The following DOCK1 variants were observed in gnomAD, a reference collection of about 807,000 sequenced individuals.
The protein encoded by DOCK1 is dedicator of cytokinesis 1, also known as dedicator of cytokinesis protein 1.
DOCK1 carries 138 observed loss-of-function variants against 262.7 expected under a neutral mutation model. The observed-to-expected ratio is 0.53, with a 90% confidence interval of 0.46 to 0.61. DOCK1 has a LOEUF of 0.61. DOCK1 is among the 20% of genes least tolerant of loss of function. The pLI is 0.00. For synonymous variants in DOCK1, 866 were observed against 867.4 expected (o/e 1.00, Z 0.03); for missense variants, 1,908 against 2,370.7 (o/e 0.80, Z 4.05).
intron 29 of DOCK1, among the ~76,000 whole-genome samples, chr10:127,313,072 G>A (rs947074890): frequency 7.9e-5 from 12 of 152,018 alleles, no homozygotes; most frequent in African/African-American, 2.2e-4. Flanking sequence ...GCCATTGCCC[G>A]TGCCATCCTC....
chr10:126,982,696 A>G (rs2039071129), intron 4 of DOCK1, among the ~76,000 whole-genome samples: 1 of 152,248 alleles, frequency 6.6e-6, no homozygotes, highest in South Asian at 2.1e-4. Context: ...AACATATGAA[A>G]AGAACCGTTC....
At chr10:127,094,502 C>T (rs566686272) in intron 23 of DOCK1, among the ~76,000 whole-genome samples, 19 of 152,236 alleles carry the variant, frequency 1.2e-4, no homozygotes, top group African/African-American at 4.1e-4. Flanking sequence ...TGGCCATCCT[C>T]GATGGCAGTG....
At chr10:127,003,037 C>T (rs1010871586) in intron 10 of DOCK1, among the ~76,000 whole-genome samples, 4 of 152,246 alleles carry the variant, frequency 2.6e-5, no homozygotes, top group Non-Finnish European at 5.9e-5. Flanking sequence ...CCTGCATGAA[C>T]CTGTGTGAAC....
intron 23 of DOCK1, among the ~76,000 whole-genome samples, chr10:127,068,800 T>TACAC (rs142740686): frequency 6.6e-6 from 1 of 151,632 alleles, no homozygotes; most frequent in African/African-American, 2.4e-5. Flanking sequence ...CTCATGTGTA[T>TACAC]ACACACACAC....
At chr10:127,149,951 A>G (rs919997032) in intron 27 of DOCK1, among the ~76,000 whole-genome samples, 2 of 152,168 alleles carry the variant, frequency 1.3e-5, no homozygotes, top group African/African-American at 4.8e-5. Flanking sequence ...CCAGGCTTTG[A>G]TCTGACAGCA....
At chr10:127,224,846 C>G (rs1761540) in intron 27 of DOCK1, among the ~76,000 whole-genome samples, 97,897 of 151,992 alleles carry the variant, frequency 0.64, 31,868 homozygotes, top group African/African-American at 0.73. Flanking sequence ...TAGGGAGAGG[C>G]AAAAAGGAGT....
chr10:127,348,897 A>C (rs972250027), intron 31 of DOCK1, among the ~76,000 whole-genome samples: 1 of 152,206 alleles, frequency 6.6e-6, no homozygotes, highest in Non-Finnish European at 1.5e-5. Flanking sequence ...ATAACAGGAG[A>C]TACGATCAAT....
chr10:127,146,714 G>A (rs2133381271), intron 27 of DOCK1, among the ~76,000 whole-genome samples: 1 of 152,272 alleles, frequency 6.6e-6, no homozygotes, highest in Non-Finnish European at 1.5e-5. Flanking sequence ...AACTTAATAT[G>A]CACAAGTGGT....
chr10:127,147,642 T>C (rs1039125713), intron 27 of DOCK1, among the ~76,000 whole-genome samples: 3 of 152,048 alleles, frequency 2.0e-5, no homozygotes, highest in Non-Finnish European at 2.9e-5. Flanking sequence ...AACTTGTCCT[T>C]AGGAGGTCCC....
At chr10:127,383,705 G>A (rs72841534) in intron 37 of DOCK1, among the ~76,000 whole-genome samples, 8,149 of 152,182 alleles carry the variant, frequency 0.054, 330 homozygotes, top group Middle Eastern at 0.092. Flanking sequence ...CCCGTTGCCC[G>A]GACCCCAGCT....
chr10:127,428,743 G>T (rs72843714), intron 47 of DOCK1, among the ~76,000 whole-genome samples: 10,586 of 146,936 alleles, frequency 0.072, 523 homozygotes, highest in Non-Finnish European at 0.1. Context: ...GTGGATTGGG[G>T]TGCTGTGTGG....
At chr10:127,391,003 G>A (rs955732338) in intron 38 of DOCK1, among the ~76,000 whole-genome samples, 5 of 152,176 alleles carry the variant, frequency 3.3e-5, no homozygotes, top group Admixed American at 2.6e-4. Context: ...GCCCACATGC[G>A]GCTGGGAAGC....
rs56689236 is a variant in DOCK1 at position 127,268,503 on chromosome 10, CAAAAAAA to C, written c.3044+11087_3044+11093del. The stretch of plus-strand genomic sequence containing the variant: ...TGGGTGACAGACCGAGACTCCACCT[CAAAAAAA>C]AAAAAAAAAAAAGAAGAGGAAAGAA... On this transcript the variant is annotated intron_variant, in intron 29 of 51. Coordinates refer to ENST00000623213, the MANE Select transcript of DOCK1 (RefSeq NM_001290223.2). 1.0e-4 allele frequency among the ~76,000 whole-genome samples: 7 copies of C among 70,152 alleles called. No individual in the cohort carries two copies. The East Asian group carries it at 1.1e-3, about 11-fold the overall frequency. The allele number at this position is 70,152 out of a possible 152,430, so 46.0% of individuals were successfully genotyped here. A position where few individuals can be genotyped will look rare whatever the true frequency, so the allele number is the denominator to read the frequency against.
At chr10:127,233,876 G>A (rs964580607) in intron 27 of DOCK1, among the ~76,000 whole-genome samples, 6 of 152,140 alleles carry the variant, frequency 3.9e-5, no homozygotes, top group Non-Finnish European at 8.8e-5. Context: ...GCATCCATAC[G>A]ATGTGATTTC....
intron 23 of DOCK1, among the ~76,000 whole-genome samples, chr10:127,074,960 G>A (rs1220876690): frequency 2.6e-5 from 4 of 151,940 alleles, no homozygotes; most frequent in African/African-American, 9.7e-5. Context: ...TTGGGAGTTC[G>A]AGACTAGCCT....
At chr10:127,241,687 T>G (rs993926374) in intron 27 of DOCK1, among the ~76,000 whole-genome samples, 1 of 152,162 alleles carries the variant, frequency 6.6e-6, no homozygotes, top group African/African-American at 2.4e-5. Context: ...GAGGGGTTAG[T>G]TTAAGCCTCC....
chr10:127,156,322 A>T (rs1319667716), intron 27 of DOCK1, among the ~76,000 whole-genome samples: 1 of 152,060 alleles, frequency 6.6e-6, no homozygotes, highest in African/African-American at 2.4e-5. Context: ...CAGGCTTCTG[A>T]TGCTCCCTGT....
intron 33 of DOCK1, among the ~76,000 whole-genome samples, chr10:127,363,248 G>A (rs1220188232): frequency 2.0e-5 from 3 of 152,124 alleles, no homozygotes; most frequent in South Asian, 4.1e-4. Context: ...GGTTGCCCAC[G>A]CCTGTAATCC....
intron 29 of DOCK1, among the ~76,000 whole-genome samples, chr10:127,281,472 C>T (rs974876019): frequency 3.9e-5 from 6 of 152,144 alleles, no homozygotes; most frequent in Non-Finnish European, 4.4e-5. Flanking sequence ...CTCAGAAGGA[C>T]GTTTCACTCC....
Sources: allele counts gnomAD v4.1 joint callset (sites outside exome capture counted in the v4.1 genomes callset), GRCh38; gene constraint gnomAD v4.1.1; transcripts MANE v1.5; gene names NCBI Gene and HGNC (gene_info 2026-07-23, HGNC 2026-07-21).